The following FAM149B1 variants were observed in gnomAD, a reference collection of about 807,000 sequenced individuals.
The protein encoded by FAM149B1 is family with sequence similarity 149 member B1, also known as primary cilium assembly protein FAM149B1.
FAM149B1 carries 56 observed loss-of-function variants against 75.3 expected under a neutral mutation model. That is an observed-to-expected ratio of 0.74 (90% CI 0.60 to 0.93). FAM149B1 has a LOEUF of 0.93. FAM149B1 is among the 40% of genes least tolerant of loss of function. The pLI is 0.00. For missense variants in FAM149B1, 639 were observed against 708.4 expected (o/e 0.90, Z 1.11); for synonymous variants, 259 against 256.1 (o/e 1.01, Z -0.11).
intron 10 of FAM149B1, 155 bp downstream of exon 10, chr10:73,233,318 A>AT: frequency 1.6e-6 from 1 of 614,254 alleles, no homozygotes; most frequent in Non-Finnish European, 2.8e-6. Flanking sequence ...CCAACACAAA[A>AT]TTTTTTAATG....
chr10:73,220,964 T>C (rs538017465), intron 7 of FAM149B1, among the ~76,000 whole-genome samples: 1 of 152,368 alleles, frequency 6.6e-6, no homozygotes, highest in African/African-American at 2.4e-5. Context: ...AATTAAGTAC[T>C]GATACATGTT....
intron 7 of FAM149B1, among the ~76,000 whole-genome samples, chr10:73,227,206 G>C (rs1294177904): frequency 6.6e-6 from 1 of 152,066 alleles, no homozygotes; most frequent in African/African-American, 2.4e-5. Context: ...TCCCACCTCA[G>C]CCTCCCAAGT....
intron 5 of FAM149B1, among the ~76,000 whole-genome samples, chr10:73,208,189 G>T (rs1256084412): frequency 2.0e-5 from 3 of 152,196 alleles, no homozygotes; most frequent in Non-Finnish European, 2.9e-5. Flanking sequence ...CACCTCTCTT[G>T]CTCCTGCTCC....
Position 73,243,619 on chromosome 10 carries a change from G to A in FAM149B1, c.*2600G>A. 8 of 1,452,466 alleles carry A rather than the reference G, an allele frequency of 5.5e-6. No individual in the cohort carries two copies. Among genetic ancestry groups the A allele is most frequent in the Non-Finnish European group, 7.5e-6 (8 of 1,063,916 alleles). 90.0% of individuals were successfully genotyped at this position (1,452,466 alleles called of 1,614,324 possible). A position where few individuals can be genotyped will look rare whatever the true frequency, so the allele number is the denominator to read the frequency against. ...TGGAAAAGTGGAATAACTACTAATGGGTATGGAGTTTTTTTGGAATGGTGA... is the reference window on the plus strand; with the variant it reads ...TGGAAAAGTGGAATAACTACTAATGAGTATGGAGTTTTTTTGGAATGGTGA... On this transcript the variant is annotated 3_prime_UTR_variant, in exon 14 of 14. Transcript: ENST00000242505.
At chr10:73,196,566 C>T (rs947327297) in intron 5 of FAM149B1, among the ~76,000 whole-genome samples, 1 of 152,186 alleles carries the variant, frequency 6.6e-6, no homozygotes, top group African/African-American at 2.4e-5. Flanking sequence ...GATTTATCAA[C>T]CGCTAAGACT....
chr10:73,235,804 A>C (rs1233974104), intron 12 of FAM149B1, among the ~76,000 whole-genome samples: 1 of 152,166 alleles, frequency 6.6e-6, no homozygotes, highest in Non-Finnish European at 1.5e-5. Flanking sequence ...AGTAGCTGGG[A>C]CTACAGGTGC....
intron 8 of FAM149B1, among the ~76,000 whole-genome samples, chr10:73,229,216 T>G (rs544909776): frequency 2.2e-4 from 34 of 152,242 alleles, no homozygotes; most frequent in African/African-American, 8.2e-4. Context: ...TCTCAGTTCC[T>G]ACACAATAGT....
Position 73,221,434 on chromosome 10 carries a change from T to G in FAM149B1, c.899-6626T>G, listed in dbSNP as rs183887991. On this transcript the variant is annotated intron_variant, in intron 7 of 13. Coordinates refer to ENST00000242505, the MANE Select transcript of FAM149B1 (RefSeq NM_173348.2). ...TTGCAAGATAATTTTATGAACTATG[T>G]GAATAGTTTGCCTTCTAGTACTTTT... 1.9e-3 allele frequency among the ~76,000 whole-genome samples: 291 copies of G among 152,334 alleles called. 3 individuals carry two copies. The highest frequency in any genetic ancestry group is 6.6e-3 in the African/African-American group (274 of 41,574).
At chr10:73,236,725 C>CTT (rs112151486) in intron 12 of FAM149B1, among the ~76,000 whole-genome samples, 106 of 135,804 alleles carry the variant, frequency 7.8e-4, no homozygotes, top group African/African-American at 2.0e-3. Context: ...TTTTTCTTTT[C>CTT]TTTTTTTTTT....
At chr10:73,234,788 A>G (rs2043784129) in intron 10 of FAM149B1, 29 bp from the exon 11 acceptor site, 1 of 1,549,770 alleles carries the variant, frequency 6.5e-7, no homozygotes, top group Non-Finnish European at 8.7e-7. Context: ...ATGCTTTCAT[A>G]CCTTCGTGTT....
At position 73,235,612 on chromosome 10, in the gene FAM149B1, C is replaced by CA. The variant is rs1482421984; in HGVS notation, c.1602+294_1602+295insA. 1.3e-5 allele frequency: 5 copies of CA among 393,124 alleles called. No individual in the cohort carries two copies. In the East Asian group the frequency reaches 3.7e-4, roughly 29 times the overall value. 24.4% of individuals were successfully genotyped at this position (393,124 alleles called of 1,614,324 possible). A position where few individuals can be genotyped will look rare whatever the true frequency, so the allele number is the denominator to read the frequency against. ...CCCAGTACACATCAGATAAGCATAA[C>CA]TTTATTATGTAATCCTGTTCTTCTG... On this transcript the variant is annotated intron_variant, in intron 12 of 13. Transcript: ENST00000242505.
chr10:73,221,600 C>T (rs6480685), intron 7 of FAM149B1, among the ~76,000 whole-genome samples: 35,429 of 151,880 alleles, frequency 0.23, 8,084 homozygotes, highest in African/African-American at 0.58. Context: ...AACAATTTGA[C>T]TATGATGTGC....
chr10:73,192,526 T>G (rs1314805645), intron 3 of FAM149B1, 30 bp from the exon 4 acceptor site: 3 of 1,545,742 alleles, frequency 1.9e-6, no homozygotes, highest in South Asian at 2.4e-5. Context: ...TCAGCTCACC[T>G]AAATATTTGG....
chr10:73,174,539 G>C, intron 1 of FAM149B1, 148 bp from the exon 2 acceptor site: 1 of 549,284 alleles, frequency 1.8e-6, no homozygotes. Context: ...ACACAATTCT[G>C]ACTAGCCAGA....
intron 1 of FAM149B1, 74 bp downstream of exon 1, chr10:73,168,460 C>T: frequency 1.3e-6 from 2 of 1,501,616 alleles, no homozygotes; most frequent in Non-Finnish European, 1.8e-6. Flanking sequence ...ACCAGTCCTT[C>T]GTTCCTTTCC....
At chr10:73,179,952 G>A (rs562420881) in intron 3 of FAM149B1, among the ~76,000 whole-genome samples, 18 of 151,816 alleles carry the variant, frequency 1.2e-4, no homozygotes, top group Admixed American at 6.6e-4. Context: ...GGGTTTTCAC[G>A]TTTTTTTCGT....
At chr10:73,174,330 T>G (rs2133296620) in intron 1 of FAM149B1, among the ~76,000 whole-genome samples, 1 of 152,310 alleles carries the variant, frequency 6.6e-6, no homozygotes, top group East Asian at 1.9e-4. Context: ...GCATTTTGTG[T>G]TATCATTATT....
chr10:73,214,169 G>A (rs2043246970), intron 7 of FAM149B1, among the ~76,000 whole-genome samples: 1 of 152,076 alleles, frequency 6.6e-6, no homozygotes, highest in Non-Finnish European at 1.5e-5. Flanking sequence ...TCTTAATTTT[G>A]TATCCTGAAA....
chr10:73,236,004 A>G (rs1429389856), intron 12 of FAM149B1, among the ~76,000 whole-genome samples: 2 of 152,180 alleles, frequency 1.3e-5, no homozygotes, highest in South Asian at 2.1e-4. Flanking sequence ...CTTTGTGGCA[A>G]GAGCACTTGG....
Sources: gnomAD v4.1 joint callset for allele counts (sites outside exome capture counted in the v4.1 genomes callset) on GRCh38, gnomAD v4.1.1 for gene constraint, MANE v1.5 for transcripts, NCBI Gene and HGNC (gene_info 2026-07-23, HGNC 2026-07-21) for gene names.